The following NRXN3 variants were observed in gnomAD, a reference collection of about 807,000 sequenced individuals.
NRXN3 encodes neurexin 3.
Under a neutral mutation model 137.6 loss-of-function variants are expected in NRXN3, and 32 were observed. That is an observed-to-expected ratio of 0.23 (90% CI 0.18 to 0.31). The LOEUF (loss-of-function observed/expected upper bound fraction) is 0.31, where lower values mean the gene tolerates loss of function less well. Among genes scored for constraint, NRXN3 ranks in the 10% least tolerant of loss-of-function variants. The pLI is 1.00. For synonymous variants in NRXN3, 798 were observed against 784.5 expected, an observed-to-expected ratio of 1.02 and a Z score of -0.29; for missense variants, 1,574 against 2,062.5, an observed-to-expected ratio of 0.76 and a Z score of 4.59.
intron 10 of NRXN3, among the ~76,000 whole-genome samples, chr14:78,956,665 T>G (rs1387347174): frequency 6.6e-6 from 1 of 152,200 alleles, no homozygotes; most frequent in Non-Finnish European, 1.5e-5. Flanking sequence ...TGATGGGGTT[T>G]AAAACTTGAC....
intron 8 of NRXN3, among the ~76,000 whole-genome samples, chr14:78,796,172 T>C (rs2098821136): frequency 6.6e-6 from 1 of 152,216 alleles, no homozygotes; most frequent in South Asian, 2.1e-4. Context: ...ATACCAATTG[T>C]GGCAGACCAA....
chr14:79,111,399 A>G (rs770780514), intron 15 of NRXN3, among the ~76,000 whole-genome samples: 1 of 152,158 alleles, frequency 6.6e-6, no homozygotes, highest in Non-Finnish European at 1.5e-5. Flanking sequence ...TGCTAGTGCT[A>G]GCTGCACAAA....
chr14:79,048,531 A>G (rs1040606375), intron 15 of NRXN3, among the ~76,000 whole-genome samples: 14 of 152,202 alleles, frequency 9.2e-5, no homozygotes, highest in African/African-American at 3.4e-4. Flanking sequence ...AGTGTGCAAT[A>G]GCATTAAGTC....
intron 1 of NRXN3, among the ~76,000 whole-genome samples, chr14:78,187,547 C>G (rs1330622225): frequency 1.3e-5 from 2 of 152,148 alleles, no homozygotes; most frequent in Non-Finnish European, 2.9e-5. Context: ...TTAGAATCCA[C>G]ACTCAACACT....
At chr14:79,801,791 G>A (rs559928262) in intron 19 of NRXN3, among the ~76,000 whole-genome samples, 1 of 152,224 alleles carries the variant, frequency 6.6e-6, no homozygotes, top group South Asian at 2.1e-4. Flanking sequence ...AAATCTTTGG[G>A]CAAAGTGGAG....
At chr14:79,565,035 A>G (rs1386175793) in intron 16 of NRXN3, among the ~76,000 whole-genome samples, 2 of 152,086 alleles carry the variant, frequency 1.3e-5, no homozygotes, top group African/African-American at 4.8e-5. Context: ...AGGAGTATTA[A>G]TGTTTACCAT....
At chr14:79,666,815 C>G (rs988539381) in intron 17 of NRXN3, among the ~76,000 whole-genome samples, 1 of 152,028 alleles carries the variant, frequency 6.6e-6, no homozygotes, top group African/African-American at 2.4e-5. Flanking sequence ...TTTATTGGCA[C>G]CAGTGACCCC....
chr14:79,418,195 A>C (rs1421152217), intron 15 of NRXN3, among the ~76,000 whole-genome samples: 1 of 152,170 alleles, frequency 6.6e-6, no homozygotes, highest in Non-Finnish European at 1.5e-5. Flanking sequence ...CATCCTGACT[A>C]TTCCTAGTCA....
At chr14:79,816,991 A>G (rs867188930) in intron 20 of NRXN3, among the ~76,000 whole-genome samples, 2 of 152,282 alleles carry the variant, frequency 1.3e-5, no homozygotes, top group African/African-American at 4.8e-5. Context: ...GACAAGATAG[A>G]TAATTTGATT....
intron 16 of NRXN3, among the ~76,000 whole-genome samples, chr14:79,645,162 T>G (rs547045709): frequency 1.5e-5 from 2 of 134,956 alleles, no homozygotes; most frequent in East Asian, 3.9e-4. Context: ...TATTCCATAT[T>G]TTTTTTGTCC....
intron 5 of NRXN3, among the ~76,000 whole-genome samples, chr14:78,646,602 A>G (rs1465686401): frequency 6.6e-6 from 1 of 152,260 alleles, no homozygotes; most frequent in Admixed American, 6.5e-5. Flanking sequence ...CAAATGGTAT[A>G]GGCTGGCACA....
At position 79,862,155 on chromosome 14, in the gene NRXN3, G is replaced by T; in HGVS notation, c.*191G>T. The T allele has an allele frequency of 1.7e-6, 1 of 572,358 alleles. No homozygotes were observed. The highest frequency in any genetic ancestry group is 3.1e-6 in the Non-Finnish European group (1 of 324,234). 35.5% of individuals were successfully genotyped at this position (572,358 alleles called of 1,614,324 possible). A position where few individuals can be genotyped will look rare whatever the true frequency, so the allele number is the denominator to read the frequency against. On this transcript the variant is annotated 3_prime_UTR_variant, in exon 21 of 21. Coordinates refer to ENST00000335750, the MANE Select transcript of NRXN3 (RefSeq NM_001330195.2). ...ACACAGCGATGCATCTCTCTCTAAA[G>T]CTCAGCCACGGCTGCGGCAAGGTCC...
intron 15 of NRXN3, among the ~76,000 whole-genome samples, chr14:79,090,064 C>T (rs1459423114): frequency 6.6e-6 from 1 of 152,098 alleles, no homozygotes; most frequent in Non-Finnish European, 1.5e-5. Context: ...CCTTTGCTAA[C>T]ATGGATAGGT....
intron 10 of NRXN3, among the ~76,000 whole-genome samples, chr14:78,935,251 T>C (rs2152886516): frequency 6.6e-6 from 1 of 152,286 alleles, no homozygotes; most frequent in South Asian, 2.1e-4. Context: ...ACCCAATTTA[T>C]TTGACTCAAA....
intron 4 of NRXN3, among the ~76,000 whole-genome samples, chr14:78,547,215 ATT>A (rs5809897): frequency 3.1e-5 from 3 of 95,820 alleles, no homozygotes; most frequent in African/African-American, 1.1e-4. Flanking sequence ...TTTTTCATTT[ATT>A]TTTTTTTGAG....
At chr14:79,346,289 G>A (rs566586117) in intron 15 of NRXN3, among the ~76,000 whole-genome samples, 123 of 152,230 alleles carry the variant, frequency 8.1e-4, no homozygotes, top group African/African-American at 2.9e-3. Context: ...GGATGTGGTG[G>A]TGGCACCTGT....
At chr14:79,550,677 G>T (rs557929548) in intron 16 of NRXN3, among the ~76,000 whole-genome samples, 2 of 152,258 alleles carry the variant, frequency 1.3e-5, no homozygotes, top group Non-Finnish European at 2.9e-5. Flanking sequence ...GAAGGAAGAT[G>T]CTGGCAAGAC....
rs79965766 is a variant in NRXN3 at position 79,241,123 on chromosome 14, T to C, written c.3263-226098T>C. Among the ~76,000 whole-genome samples the C allele has an allele frequency of 7.8e-3, 1,181 of 152,240 alleles. 32 individuals are homozygous for C. The South Asian group carries it at 0.086, about 11-fold the overall frequency. ...AAATAGTTGCTATTTACCAGATCAG[T>C]ATTCTTATGGTTGGTAGTGTCACAT... On this transcript the variant is annotated intron_variant, in intron 15 of 20. Transcript: ENST00000335750.
At chr14:79,229,599 G>A (rs116399784) in intron 15 of NRXN3, among the ~76,000 whole-genome samples, 2,956 of 152,260 alleles carry the variant, frequency 0.019, 97 homozygotes, top group African/African-American at 0.068. Flanking sequence ...AGACAGATCT[G>A]TCCTGTTTGT....
Sources: allele counts gnomAD v4.1 joint callset (sites outside exome capture counted in the v4.1 genomes callset), GRCh38; gene constraint gnomAD v4.1.1; transcripts MANE v1.5; gene names NCBI Gene and HGNC (gene_info 2026-07-23, HGNC 2026-07-21).